The following FRS2 variants were observed in gnomAD, a reference collection of about 807,000 sequenced individuals.
The protein encoded by FRS2 is fibroblast growth factor receptor substrate 2.
FRS2 carries 8 observed loss-of-function variants against 43.9 expected under a neutral mutation model. The ratio of observed to expected loss-of-function variants is 0.18; its 90% CI spans 0.11 to 0.33. The LOEUF (loss-of-function observed/expected upper bound fraction) is 0.33, where lower values mean the gene tolerates loss of function less well. Among genes scored for constraint, FRS2 ranks in the 10% least tolerant of loss-of-function variants. The probability of loss-of-function intolerance (pLI) is 1.00; values close to 1 mark genes in which losing one functional copy is unlikely to be tolerated. For synonymous variants in FRS2, 219 were observed against 220.3 expected, an observed-to-expected ratio of 0.99 and a Z score of 0.05; for missense variants, 534 against 627.6, an observed-to-expected ratio of 0.85 and a Z score of 1.59.
chr12:69,566,560 T>C (rs1211140570), intron 4 of FRS2, among the ~76,000 whole-genome samples: 1 of 151,764 alleles, frequency 6.6e-6, no homozygotes, highest in Non-Finnish European at 1.5e-5. Context: ...TGAGCCGAGA[T>C]CACGCCATAG....
chr12:69,555,030 A>AT (rs200772390), intron 3 of FRS2, among the ~76,000 whole-genome samples: 2,955 of 149,350 alleles, frequency 0.02, 97 homozygotes, highest in African/African-American at 0.066. Flanking sequence ...TTTTAATAAT[A>AT]TTTTTTTTTA....
At chr12:69,545,679 C>T (rs1362257248) in intron 3 of FRS2, among the ~76,000 whole-genome samples, 1 of 150,436 alleles carries the variant, frequency 6.6e-6, no homozygotes, top group Non-Finnish European at 1.5e-5. Flanking sequence ...TTGCTTGAAC[C>T]CAGGAGATGG....
rs186982847 is a variant in FRS2 at position 69,559,604 on chromosome 12, C to T, written c.-121-2576C>T. ...CTAACAAGGGAACTGTTGCAGATGT[C>T]CTTGCTTTTGACATAATGGCTCTGA... On this transcript the variant is annotated intron_variant, in intron 3 of 8. Coordinates refer to ENST00000549921, the MANE Select transcript of FRS2 (RefSeq NM_001278356.2). 8.5e-5 allele frequency among the ~76,000 whole-genome samples: 13 copies of T among 152,160 alleles called. No individual in the cohort carries two copies. The East Asian group carries it at 2.5e-3, about 29-fold the overall frequency.
At chr12:69,560,915 T>C (rs147490943) in intron 3 of FRS2, among the ~76,000 whole-genome samples, 1 of 152,330 alleles carries the variant, frequency 6.6e-6, no homozygotes, top group East Asian at 1.9e-4. Flanking sequence ...GGTAGATCAC[T>C]ATCATTTCTC....
At chr12:69,538,605 T>C (rs1028106404) in intron 3 of FRS2, among the ~76,000 whole-genome samples, 4 of 152,178 alleles carry the variant, frequency 2.6e-5, no homozygotes, top group African/African-American at 9.7e-5. Context: ...TGTGTTTTAA[T>C]TTCCTGCCTT....
intron 3 of FRS2, among the ~76,000 whole-genome samples, chr12:69,548,696 C>T (rs984307363): frequency 5.9e-5 from 9 of 152,154 alleles, no homozygotes; most frequent in Non-Finnish European, 1.2e-4. Context: ...ACATTATGGG[C>T]AGGTTAAGGG....
intron 5 of FRS2, among the ~76,000 whole-genome samples, chr12:69,569,347 T>G (rs1470959082): frequency 6.6e-6 from 1 of 152,202 alleles, no homozygotes; most frequent in Non-Finnish European, 1.5e-5. Flanking sequence ...AAAATGCCAT[T>G]TTACGGGGTG....
chr12:69,542,138 A>G (rs1035442001), intron 3 of FRS2, among the ~76,000 whole-genome samples: 1 of 152,150 alleles, frequency 6.6e-6, no homozygotes, highest in Non-Finnish European at 1.5e-5. Flanking sequence ...TATGTTCTGA[A>G]TATTTTTCTT....
chr12:69,479,232 G>A (rs1306682488), intron 1 of FRS2, among the ~76,000 whole-genome samples: 1 of 151,792 alleles, frequency 6.6e-6, no homozygotes, highest in Non-Finnish European at 1.5e-5. Context: ...CTTTTTCTTA[G>A]TCTCATTCCT....
chr12:69,493,150 C>T (rs1872608306), intron 1 of FRS2, among the ~76,000 whole-genome samples: 1 of 152,112 alleles, frequency 6.6e-6, no homozygotes, highest in Non-Finnish European at 1.5e-5. Context: ...TAGATAGGAA[C>T]TGCTATTTTT....
Position 69,571,442 on chromosome 12 carries a change from C to T in FRS2, c.412+8C>T, listed in dbSNP as rs775688528. 2.5e-6 allele frequency: 4 copies of T among 1,602,392 alleles called. No homozygotes were observed. Among genetic ancestry groups the T allele is most frequent in the Non-Finnish European group, 2.6e-6 (3 of 1,172,092 alleles). Reference sequence around the variant, plus strand: ...CACCTCGAACACCTACAAGTAAGTACCCCTTTTCCCTTTCACATTTTGAAT... The same window carrying T: ...CACCTCGAACACCTACAAGTAAGTATCCCTTTTCCCTTTCACATTTTGAAT... On this transcript the variant is annotated splice_region_variant and intron_variant, in intron 7 of 8. Transcript: ENST00000549921.
intron 1 of FRS2, among the ~76,000 whole-genome samples, chr12:69,480,058 C>G (rs967251188): frequency 3.9e-5 from 6 of 152,176 alleles, no homozygotes; most frequent in Non-Finnish European, 8.8e-5. Flanking sequence ...CTGTGTTCAA[C>G]CAGTTTATTG....
Position 69,519,559 on chromosome 12 carries a change from C to T in FRS2, c.-260-11306C>T, listed in dbSNP as rs141669830. ...TTTTCTGCTCCTCTCCCTCCTCCCA[C>T]CCTCCACCCTCTGGTAGGCCACAGT... is the stretch of plus-strand genomic sequence containing the variant. On this transcript the variant is annotated intron_variant, in intron 1 of 8. Transcript: ENST00000549921. 7.1e-3 allele frequency among the ~76,000 whole-genome samples: 1,077 copies of T among 150,770 alleles called. 14 individuals carry two copies. Among genetic ancestry groups the T allele is most frequent in the African/African-American group, 0.025 (1,012 of 41,024 alleles).
intron 4 of FRS2, among the ~76,000 whole-genome samples, chr12:69,566,493 A>G (rs151091194): frequency 9.3e-4 from 141 of 152,278 alleles, no homozygotes; most frequent in African/African-American, 3.3e-3. Context: ...TGTTTATAGA[A>G]TATGTGCCAT....
intron 1 of FRS2, among the ~76,000 whole-genome samples, chr12:69,489,654 G>A (rs12809428): frequency 0.19 from 28,281 of 147,402 alleles, 2,937 homozygotes; most frequent in Middle Eastern, 0.3. Context: ...TGGGGACAGA[G>A]CAAGACTCCA....
At chr12:69,536,554 G>T (rs576181400) in intron 3 of FRS2, among the ~76,000 whole-genome samples, 8 of 148,914 alleles carry the variant, frequency 5.4e-5, no homozygotes, top group Non-Finnish European at 1.2e-4. Context: ...TTGTGTTACC[G>T]ATAGATTTAG....
In FRS2 at chr12:69,534,643, G is replaced by A. The variant is rs192087993; in HGVS notation, c.-122+2587G>A. On this transcript the variant is annotated intron_variant, in intron 3 of 8. Coordinates refer to ENST00000549921, the MANE Select transcript of FRS2 (RefSeq NM_001278356.2). ...GCAAGTTCTCGATGTGTGAGCTGAG[G>A]GAAGGAATGTGGTGTGATTATGCAT... Among the ~76,000 whole-genome samples the A allele has an allele frequency of 3.7e-3, 569 of 152,276 alleles. 1 individual carries two copies. Among genetic ancestry groups the A allele is most frequent in the African/African-American group, 0.013 (535 of 41,556 alleles).
chr12:69,482,234 G>A (rs1280480647), intron 1 of FRS2, among the ~76,000 whole-genome samples: 1 of 152,180 alleles, frequency 6.6e-6, no homozygotes, highest in African/African-American at 2.4e-5. Flanking sequence ...AAAGCATTAG[G>A]TGACAAAGAT....
At chr12:69,477,108 G>A (rs1452398841) in intron 1 of FRS2, among the ~76,000 whole-genome samples, 1 of 138,852 alleles carries the variant, frequency 7.2e-6, no homozygotes, top group African/African-American at 2.5e-5. Flanking sequence ...TACTCCCAAT[G>A]GCAGAAATGT....
Sources: gnomAD v4.1 joint callset for allele counts (sites outside exome capture counted in the v4.1 genomes callset) on GRCh38, gnomAD v4.1.1 for gene constraint, MANE v1.5 for transcripts, NCBI Gene and HGNC (gene_info 2026-07-23, HGNC 2026-07-21) for gene names.